The following GLIS3 variants were observed in gnomAD, a reference collection of about 807,000 sequenced individuals.
GLIS3 encodes the protein GLIS family zinc finger 3, also known as zinc finger protein GLIS3.
Under a neutral mutation model 78.6 loss-of-function variants are expected in GLIS3, and 53 were observed. The ratio of observed to expected loss-of-function variants is 0.67; its 90% CI spans 0.54 to 0.85. GLIS3 has a LOEUF of 0.85. GLIS3 is among the 40% of genes least tolerant of loss of function. The pLI is 0.00. For synonymous variants in GLIS3, 684 were observed against 509.9 expected (o/e 1.34, Z -4.60); for missense variants, 1,703 against 1,231.1 (o/e 1.38, Z -5.74).
intron 7 of GLIS3, among the ~76,000 whole-genome samples, chr9:3,897,545 G>C (rs1822947096): frequency 6.6e-6 from 1 of 152,052 alleles, no homozygotes; most frequent in South Asian, 2.1e-4. Flanking sequence ...CTGTAAGTTT[G>C]GTCAACCCTT....
At chr9:4,098,202 C>G (rs1345020981) in intron 4 of GLIS3, among the ~76,000 whole-genome samples, 3 of 152,134 alleles carry the variant, frequency 2.0e-5, no homozygotes, top group Non-Finnish European at 4.4e-5. Context: ...GTAACACGTT[C>G]TTACTTAAAT....
At chr9:4,332,304 C>T (rs954334708) in intron 2 of GLIS3, among the ~76,000 whole-genome samples, 4 of 152,124 alleles carry the variant, frequency 2.6e-5, no homozygotes, top group Non-Finnish European at 4.4e-5. Context: ...GTTTTGGAGG[C>T]AGGGACTGTT....
At chr9:3,955,138 C>G (rs561485582) in intron 4 of GLIS3, among the ~76,000 whole-genome samples, 1 of 152,062 alleles carries the variant, frequency 6.6e-6, no homozygotes, top group African/African-American at 2.4e-5. Context: ...GGGAACAGAG[C>G]CGTAAATCAG....
the GLIS3 span, among the ~76,000 whole-genome samples, chr9:4,457,360 C>CAAAA: frequency 7.2e-5 from 9 of 125,680 alleles, no homozygotes; most frequent in African/African-American, 2.7e-4. Context: ...GACCTTGTCT[C>CAAAA]AAAAAAAAAA....
chr9:3,975,888 C>A (rs966207401), intron 4 of GLIS3, among the ~76,000 whole-genome samples: 3 of 152,078 alleles, frequency 2.0e-5, no homozygotes, highest in Non-Finnish European at 4.4e-5. Flanking sequence ...AATTAGGTGA[C>A]TGTAAGTGAA....
chr9:4,358,257 T>A, the GLIS3 span, among the ~76,000 whole-genome samples: 2 of 152,076 alleles, frequency 1.3e-5, no homozygotes, highest in Non-Finnish European at 2.9e-5. Context: ...GGAATTCTGC[T>A]TTTTTTTGTA....
chr9:4,219,944 C>G (rs951760080), intron 2 of GLIS3, among the ~76,000 whole-genome samples: 2 of 152,144 alleles, frequency 1.3e-5, no homozygotes, highest in Non-Finnish European at 2.9e-5. Context: ...TAAAAGTAAC[C>G]ACAGCTCTCT....
chr9:3,922,135 A>G (rs1027962102), intron 6 of GLIS3, among the ~76,000 whole-genome samples: 1 of 152,222 alleles, frequency 6.6e-6, no homozygotes, highest in African/African-American at 2.4e-5. Context: ...ATTGTTCATG[A>G]TAGTACAATC....
intron 1 of GLIS3, among the ~76,000 whole-genome samples, chr9:4,286,799 G>A (rs1828040391): frequency 6.6e-6 from 1 of 152,132 alleles, no homozygotes. Context: ...CAATCTACTG[G>A]TGCCAGCTTG....
chr9:3,939,899 G>C (rs1212097642), intron 4 of GLIS3, among the ~76,000 whole-genome samples: 2 of 152,202 alleles, frequency 1.3e-5, no homozygotes, highest in African/African-American at 4.8e-5. Context: ...ATTGATAAAT[G>C]CCTTGGTGAG....
chr9:3,993,374 C>T (rs539635726), intron 4 of GLIS3, among the ~76,000 whole-genome samples: 1 of 152,024 alleles, frequency 6.6e-6, no homozygotes, highest in South Asian at 2.1e-4. Flanking sequence ...CTTATTTTCT[C>T]GTTAATATTA....
At chr9:4,173,790 T>C (rs943952657) in intron 2 of GLIS3, among the ~76,000 whole-genome samples, 1 of 152,028 alleles carries the variant, frequency 6.6e-6, no homozygotes, top group African/African-American at 2.4e-5. Flanking sequence ...ATACATGTTA[T>C]TGAAAAGTTC....
intron 8 of GLIS3, among the ~76,000 whole-genome samples, chr9:3,874,128 C>G (rs976703400): frequency 6.6e-6 from 1 of 152,000 alleles, no homozygotes; most frequent in African/African-American, 2.4e-5. Flanking sequence ...GAGACTGAGA[C>G]TGGCAACTGG....
At chr9:4,262,350 C>T (rs544468499) in intron 2 of GLIS3, among the ~76,000 whole-genome samples, 3 of 152,242 alleles carry the variant, frequency 2.0e-5, no homozygotes, top group South Asian at 4.1e-4. Context: ...AAACACTTGA[C>T]AGAGTGCTGA....
chr9:4,134,868 G>C (rs1197095914), intron 2 of GLIS3, among the ~76,000 whole-genome samples: 1 of 152,172 alleles, frequency 6.6e-6, no homozygotes, highest in African/African-American at 2.4e-5. Context: ...TGGAAAGACA[G>C]AGTTCTTTGC....
At chr9:4,191,456 T>C (rs1303188289) in intron 2 of GLIS3, among the ~76,000 whole-genome samples, 2 of 152,214 alleles carry the variant, frequency 1.3e-5, no homozygotes, top group African/African-American at 4.8e-5. Context: ...GAATTTAAGA[T>C]GGAATTTACT....
chr9:4,144,391 G>A (rs912302201), intron 2 of GLIS3, among the ~76,000 whole-genome samples: 7 of 152,240 alleles, frequency 4.6e-5, no homozygotes, highest in Admixed American at 3.9e-4. Flanking sequence ...AAGAGAGGGC[G>A]AGGGAAAAAA....
intron 2 of GLIS3, among the ~76,000 whole-genome samples, chr9:4,132,981 G>C (rs1023747658): frequency 6.6e-6 from 1 of 152,122 alleles, no homozygotes; most frequent in East Asian, 1.9e-4. Flanking sequence ...GATTAAAAGG[G>C]TTAGTAAATA....
At chr9:4,094,973 C>G (rs189721060) in intron 4 of GLIS3, among the ~76,000 whole-genome samples, 79 of 152,236 alleles carry the variant, frequency 5.2e-4, no homozygotes, top group African/African-American at 1.8e-3. Flanking sequence ...ACATAGTGAT[C>G]AGATCATGGT....
Sources: gnomAD v4.1 joint callset for allele counts (sites outside exome capture counted in the v4.1 genomes callset) on GRCh38, gnomAD v4.1.1 for gene constraint, MANE v1.5 for transcripts, NCBI Gene and HGNC (gene_info 2026-07-23, HGNC 2026-07-21) for gene names.